SCN7A: variants seen among roughly 807,000 people sequenced by gnomAD.
SCN7A encodes the protein sodium voltage-gated channel alpha subunit 7.
In SCN7A, 138 loss-of-function variants were observed where a neutral mutation model predicts 155.2. That is an observed-to-expected ratio of 0.89 (90% CI 0.77 to 1.02). The LOEUF is 1.02. SCN7A is among the 50% of genes least tolerant of loss of function. The pLI is 0.00. For synonymous variants in SCN7A, 693 were observed against 649.0 expected, an observed-to-expected ratio of 1.07 and a Z score of -1.03; for missense variants, 2,058 against 1,986.6, an observed-to-expected ratio of 1.04 and a Z score of -0.68.
rs79397058 is a variant in SCN7A, at chr2:166,425,165, T to C, written c.2854-1733A>G. Among the ~76,000 whole-genome samples, 760 of 152,170 alleles carry C rather than the reference T, an allele frequency of 5.0e-3. 40 individuals are homozygous for C. The East Asian group carries it at 0.11, about 22-fold the overall frequency. On this transcript the variant is annotated intron_variant, in intron 18 of 25. Coordinates refer to ENST00000643258, the MANE Select transcript of SCN7A (RefSeq NM_002976.4). The stretch of plus-strand genomic sequence containing the variant: ...AGATCAAGCTGAATTGAGTCTTTCT[T>C]GAGGATTATGAAGAGGCCTACAATA...
intron 1 of SCN7A, among the ~76,000 whole-genome samples, chr2:166,488,037 G>T (rs935786251): frequency 2.3e-4 from 35 of 152,104 alleles, no homozygotes; most frequent in African/African-American, 8.0e-4. Flanking sequence ...GGGATCAGAA[G>T]GTACCATCGG....
chr2:166,479,904 A>G (rs148804917), intron 2 of SCN7A, among the ~76,000 whole-genome samples: 1,945 of 152,272 alleles, frequency 0.013, 39 homozygotes, highest in African/African-American at 0.044. Flanking sequence ...ATCAAAATGT[A>G]TCTACTTAGA....
intron 10 of SCN7A, among the ~76,000 whole-genome samples, chr2:166,461,364 ACTTAT>A (rs1702405912): frequency 6.6e-6 from 1 of 152,072 alleles, no homozygotes; most frequent in Admixed American, 6.5e-5. Flanking sequence ...CTATGATAGA[ACTTAT>A]CTTTGAAGAA....
At position 166,427,848 on chromosome 2, in the gene SCN7A, T is replaced by C. The variant is rs1218475884; in HGVS notation, c.2793A>G (p.Val931=). The stretch of plus-strand genomic sequence containing the variant: ...TAAAACACTTAAACCAATTGTTCTC[T>C]ACAATCTTGCAGCAGGTTTTCCTGA... ...QNIRKTCCKI[V]ENNWFKCFIG... is the part of the protein sequence containing the mutation. Residue 931 remains valine, a synonymous_variant, in exon 18 of 26, where the codon GTA becomes GTG. Transcript: ENST00000643258. The C allele has an allele frequency of 6.2e-7, 1 of 1,612,520 alleles. No homozygotes were observed. Among genetic ancestry groups the C allele is most frequent in the African/African-American group, 1.3e-5 (1 of 74,990 alleles).
In SCN7A at chr2:166,405,908, C is replaced by G. The variant is rs1701060220; in HGVS notation, c.4721G>C (p.Cys1574Ser). The change falls in exon 26 of 26, where the codon TGC becomes TCC. Residue 1574 changes from cysteine to serine, a missense_variant. By Grantham distance (112) the Cys-to-Ser change is moderately radical. Transcript: ENST00000643258. ...LPMAVGDRIHCLDILLAFTKR... is the reference protein window; with the variant it reads ...LPMAVGDRIHSLDILLAFTKR... Reference sequence around the variant, plus strand: ...TGTAAAAGCAAGTAAGATATCGAGGCAATGAATTCTGTCCCCAACAGCCAT... The same window carrying G: ...TGTAAAAGCAAGTAAGATATCGAGGGAATGAATTCTGTCCCCAACAGCCAT... 3 of 1,613,114 alleles carry G rather than the reference C, an allele frequency of 1.9e-6. No individual in the cohort carries two copies. The highest frequency in any genetic ancestry group is 1.7e-6 in the Non-Finnish European group (2 of 1,179,386).
Position 166,443,637 on chromosome 2 carries a change from T to C in SCN7A, c.1666A>G (p.Ile556Val). The change falls in exon 14 of 26, where the codon ATA becomes GTA. Residue 556 changes from isoleucine to valine, a missense_variant. Transcript: ENST00000643258. The part of the protein sequence containing the change: ...GIFTAEMIFK[I>V]IAMHPYGYFQ... ...TACCCATATGGATGCATTGCAATTA[T>C]TTTAAAAATCATTTCTGCTGTGAAA... is the stretch of plus-strand genomic sequence containing the variant. 6 of 1,558,694 alleles carry C rather than the reference T, an allele frequency of 3.8e-6. No homozygotes were observed. The highest frequency in any genetic ancestry group is 5.2e-6 in the Non-Finnish European group (6 of 1,151,098).
intron 16 of SCN7A, among the ~76,000 whole-genome samples, chr2:166,431,057 T>C (rs1332480888): frequency 1.3e-5 from 2 of 152,112 alleles, no homozygotes; most frequent in Admixed American, 6.6e-5. Flanking sequence ...AGCTTTCCTA[T>C]GTATTTTCAT....
At chr2:166,456,352 T>C (rs753807620) in intron 11 of SCN7A, among the ~76,000 whole-genome samples, 7 of 151,962 alleles carry the variant, frequency 4.6e-5, no homozygotes, top group African/African-American at 7.3e-5. Context: ...TGGACATATA[T>C]CCAGTATAAT....
intron 20 of SCN7A, among the ~76,000 whole-genome samples, chr2:166,417,388 G>A (rs375684771): frequency 2.6e-5 from 4 of 152,198 alleles, no homozygotes; most frequent in East Asian, 3.9e-4. Context: ...CAGGAGAATC[G>A]CTTGAAGCCA....
intron 18 of SCN7A, among the ~76,000 whole-genome samples, chr2:166,423,879 G>A (rs1332134327): frequency 2.0e-5 from 3 of 151,972 alleles, no homozygotes; most frequent in African/African-American, 7.2e-5. Flanking sequence ...AATCCATAAG[G>A]CTATCAGGTA....
At chr2:166,458,042 C>T (rs1181771000) in intron 10 of SCN7A, among the ~76,000 whole-genome samples, 1 of 152,186 alleles carries the variant, frequency 6.6e-6, no homozygotes, top group Admixed American at 6.5e-5. Flanking sequence ...CCTGTTATCA[C>T]AGTGAGCAAC....
At chr2:166,440,654 A>T (rs1701940055) in intron 15 of SCN7A, 1 of 152,090 alleles carries the variant, frequency 6.6e-6, no homozygotes, top group Admixed American at 6.6e-5. Flanking sequence ...TATACAATAA[A>T]TACAAACATT....
rs1461697828 is a variant in SCN7A at position 166,477,477 on chromosome 2, A to T, written c.220T>A (p.Tyr74Asn). Reference protein sequence around the residue: ...EPLEDVDPYYYKKKNTFIVLN... With the variant: ...EPLEDVDPYYNKKKNTFIVLN... ...TTAATACTCACATTTTTTTTCTTGT[A>T]GTAATATGGGTCCACATCTTCCAAG... The change falls in exon 3 of 26, where the codon TAC (tyrosine) becomes AAC (asparagine). Residue 74 changes from tyrosine to asparagine, a missense_variant. Tyr to Asn is a moderately radical substitution (Grantham distance 143, BLOSUM62 -2). Transcript: ENST00000643258. 6.0e-6 allele frequency: 9 copies of T among 1,508,244 alleles called. No individual in the cohort carries two copies. In the Admixed American group the frequency reaches 9.6e-5, roughly 16 times the overall value. 93.4% of individuals were successfully genotyped at this position (1,508,244 alleles called of 1,614,324 possible).
At chr2:166,456,680 T>C (rs576345367) in intron 11 of SCN7A, among the ~76,000 whole-genome samples, 190 bp downstream of exon 11, 1 of 152,094 alleles carries the variant, frequency 6.6e-6, no homozygotes, top group African/African-American at 2.4e-5. Context: ...GCACTTGGCA[T>C]GGTGCTTGCT....
intron 7 of SCN7A, among the ~76,000 whole-genome samples, chr2:166,469,232 T>C (rs1361241190): frequency 6.6e-6 from 1 of 151,756 alleles, no homozygotes; most frequent in Non-Finnish European, 1.5e-5. Flanking sequence ...ATTCCTCTAG[T>C]CTTTCTTTAT....
chr2:166,449,551 A>G lies in SCN7A; in HGVS notation c.1291-1843T>C, dbSNP rs77910764. Among the ~76,000 whole-genome samples, 324 of 152,210 alleles carry G rather than the reference A, an allele frequency of 2.1e-3. 1 individual carries two copies. Among genetic ancestry groups the G allele is most frequent in the African/African-American group, 7.5e-3 (311 of 41,522 alleles). On this transcript the variant is annotated intron_variant, in intron 11 of 25. Coordinates refer to ENST00000643258, the MANE Select transcript of SCN7A (RefSeq NM_002976.4). ...GCTAGAGGAGGATAAAGCCAATTAT[A>G]CTGCATACTGTGTTTCCTCAGACCA...
intron 20 of SCN7A, among the ~76,000 whole-genome samples, chr2:166,417,816 G>A (rs1217016297): frequency 2.0e-5 from 3 of 151,700 alleles, no homozygotes; most frequent in African/African-American, 7.3e-5. Flanking sequence ...GAAATTAAAT[G>A]GGTTGCTGTA....
At position 166,428,301 on chromosome 2, in the gene SCN7A, G is replaced by C. The variant is rs187153330; in HGVS notation, c.2699-359C>G. ...TCTGAATGTTACATTTTGATATAAT[G>C]CCTGAAAATTTACTCTTTGAAGATT... On this transcript the variant is annotated intron_variant, in intron 17 of 25. Transcript: ENST00000643258. Among the ~76,000 whole-genome samples the C allele has an allele frequency of 5.3e-5, 8 of 152,102 alleles. No homozygotes were observed. In the East Asian group the frequency reaches 1.5e-3, roughly 29 times the overall value.
At chr2:166,489,457 T>C (rs1683031954) in intron 1 of SCN7A, among the ~76,000 whole-genome samples, 1 of 152,180 alleles carries the variant, frequency 6.6e-6, no homozygotes, top group Non-Finnish European at 1.5e-5. Context: ...AGCCCAGATA[T>C]GGAAAATTTG....
Sources: allele counts gnomAD v4.1 joint callset (sites outside exome capture counted in the v4.1 genomes callset), GRCh38; gene constraint gnomAD v4.1.1; transcripts MANE v1.5; gene names NCBI Gene and HGNC (gene_info 2026-07-23, HGNC 2026-07-21).